The following CACNA1E variants were observed in gnomAD, a reference collection of about 807,000 sequenced individuals.
The protein encoded by CACNA1E is calcium voltage-gated channel subunit alpha1 E.
CACNA1E carries 40 observed loss-of-function variants against 259.2 expected under a neutral mutation model. The ratio of observed to expected loss-of-function variants is 0.15; its 90% CI spans 0.12 to 0.20. The LOEUF (loss-of-function observed/expected upper bound fraction) is 0.20, where lower values mean the gene tolerates loss of function less well. Ranked by LOEUF, CACNA1E falls within the 10% of genes least tolerant of loss-of-function variation. The pLI, the probability that CACNA1E is intolerant of heterozygous loss-of-function variation, is 1.00. For missense variants in CACNA1E, 1,874 were observed against 3,040.1 expected, an observed-to-expected ratio of 0.62 and a Z score of 9.02; for synonymous variants, 1,104 against 1,138.5, an observed-to-expected ratio of 0.97 and a Z score of 0.61.
At chr1:181,641,191 G>T (rs1657714864) in intron 6 of CACNA1E, among the ~76,000 whole-genome samples, 1 of 152,238 alleles carries the variant, frequency 6.6e-6, no homozygotes, top group Admixed American at 6.5e-5. Flanking sequence ...ATTGCTGGGG[G>T]AATTCTGGAG....
intron 3 of CACNA1E, among the ~76,000 whole-genome samples, chr1:181,550,169 C>CA (rs1337733603): frequency 1.3e-5 from 2 of 151,786 alleles, no homozygotes; most frequent in Non-Finnish European, 1.5e-5. Flanking sequence ...GGGACAGATA[C>CA]AAAAAATACT....
chr1:181,348,989 C>T (rs140944397), intron 1 of CACNA1E, among the ~76,000 whole-genome samples: 48 of 152,246 alleles, frequency 3.2e-4, no homozygotes, highest in Middle Eastern at 3.4e-3. Context: ...GTGCTTGTCC[C>T]ACCAGCCATG....
In CACNA1E at chr1:181,342,379, A is replaced by G. The variant is rs549368608; in HGVS notation, c.-15+24256A>G. On this transcript the variant is annotated intron_variant, in intron 1 of 11. Transcript: ENST00000524607. The stretch of plus-strand genomic sequence containing the variant: ...CTATGTTTAAGACTATTTTGGCACC[A>G]AGAGACATATCAAACTGCTTGTAGC... Among the ~76,000 whole-genome samples the G allele has an allele frequency of 1.1e-3, 168 of 152,318 alleles. 1 individual carries two copies. Among genetic ancestry groups the G allele is most frequent in the African/African-American group, 3.8e-3 (158 of 41,552 alleles).
At chr1:181,741,344 A>G (rs976351607) in intron 25 of CACNA1E, among the ~76,000 whole-genome samples, 1 of 152,162 alleles carries the variant, frequency 6.6e-6, no homozygotes, top group African/African-American at 2.4e-5. Flanking sequence ...CTCAGTTCTC[A>G]TCTCTGAAAT....
chr1:181,681,153 G>A (rs571551581), intron 7 of CACNA1E, among the ~76,000 whole-genome samples: 4 of 152,324 alleles, frequency 2.6e-5, no homozygotes, highest in South Asian at 2.1e-4. Context: ...TTTTCTCTGG[G>A]TTCTGGGTGG....
At position 181,718,212 on chromosome 1, in the gene CACNA1E, T is replaced by C. The variant is rs139092974; in HGVS notation, c.1638+45T>C. On this transcript the variant is annotated intron_variant, in intron 12 of 47. Coordinates refer to ENST00000367573, the MANE Select transcript of CACNA1E (RefSeq NM_001205293.3). ...CCTCTGCTCCTGCTTCGTGTTGATA[T>C]GCCCTGGTTTTAGATAAGCAGCTTG... The C allele has an allele frequency of 0.01, 10,101 of 971,738 alleles. 630 individuals are homozygous for C. In the South Asian group the frequency reaches 0.11, roughly 11 times the overall value. The allele number at this position is 971,738 out of a possible 1,614,324, so 60.2% of individuals were successfully genotyped here. A position where few individuals can be genotyped will look rare whatever the true frequency, so the allele number is the denominator to read the frequency against.
At chr1:181,405,388 A>C (rs1035680220) in intron 1 of CACNA1E, among the ~76,000 whole-genome samples, 5 of 152,188 alleles carry the variant, frequency 3.3e-5, no homozygotes, top group African/African-American at 7.2e-5. Flanking sequence ...GACTATATAG[A>C]GGCTTCTGGA....
At chr1:181,740,599 C>T (rs1035361990) in intron 25 of CACNA1E, among the ~76,000 whole-genome samples, 1 of 152,062 alleles carries the variant, frequency 6.6e-6, no homozygotes, top group African/African-American at 2.4e-5. Context: ...TGTAGGATCT[C>T]CCAGACCCTG....
chr1:181,771,965 G>A, intron 36 of CACNA1E, 101 bp from the exon 37 acceptor site: 3 of 1,067,458 alleles, frequency 2.8e-6, no homozygotes, highest in Non-Finnish European at 4.1e-6. Context: ...AGCCTGTTGG[G>A]CCCAGACAAG....
At chr1:181,466,184 T>G (rs1662143314) in intron 2 of CACNA1E, among the ~76,000 whole-genome samples, 1 of 152,222 alleles carries the variant, frequency 6.6e-6, no homozygotes, top group African/African-American at 2.4e-5. Flanking sequence ...GCGCAGAATC[T>G]TAGTTCCAAC....
In CACNA1E at chr1:181,752,635, G is replaced by C. The variant is rs144153519; in HGVS notation, c.3828+396G>C. Among the ~76,000 whole-genome samples, 746 of 152,224 alleles carry C rather than the reference G, an allele frequency of 4.9e-3. 6 individuals carry two copies. Among genetic ancestry groups the C allele is most frequent in the Non-Finnish European group, 6.5e-3 (444 of 68,012 alleles). On this transcript the variant is annotated intron_variant, in intron 27 of 47. Transcript: ENST00000367573. ...ATATTTTTTAAGGCCGAGTATCCTG[G>C]GACATTTTCTTTTTCTTATAACTCA...
At position 181,762,531 on chromosome 1, in the gene CACNA1E, T is replaced by C. The variant is rs72735263; in HGVS notation, c.4606-43T>C. Reference sequence around the variant, plus strand: ...AAGATGTCTTTTCTCCTTTTTTTTTTCTTTCCTTTTCTGATGTTCCTATGA... The same window carrying C: ...AAGATGTCTTTTCTCCTTTTTTTTTCCTTTCCTTTTCTGATGTTCCTATGA... On this transcript the variant is annotated intron_variant, in intron 32 of 47. Coordinates refer to ENST00000367573, the MANE Select transcript of CACNA1E (RefSeq NM_001205293.3). 4.6e-4 allele frequency: 516 copies of C among 1,115,904 alleles called. No homozygotes were observed. Among genetic ancestry groups the C allele is most frequent in the Middle Eastern group, 1.4e-3 (7 of 5,092 alleles). 69.1% of individuals were successfully genotyped at this position (1,115,904 alleles called of 1,614,324 possible).
chr1:181,726,270 C>T (rs1572711673), intron 18 of CACNA1E, 108 bp downstream of exon 18: 2 of 768,372 alleles, frequency 2.6e-6, no homozygotes, highest in Non-Finnish European at 4.4e-6. Flanking sequence ...ATGCTGGGAA[C>T]TGTTCCTGAG....
rs1358190429 is a variant in CACNA1E, at chr1:181,718,077, G to T, written c.1548G>T (p.Leu516=). The T allele has an allele frequency of 1.0e-5, 16 of 1,597,266 alleles. No individual in the cohort carries two copies. Among genetic ancestry groups the T allele is most frequent in the Non-Finnish European group, 1.3e-5 (15 of 1,165,008 alleles). The part of the protein sequence containing the change: ...HLLYYAEFLF[L]GLFLLEMSLK... ...CAGACTATGCAGAATTTCTGTTTCT[G>T]GGACTCTTCCTCTTGGAGATGTCCC... The change falls in exon 12 of 48, where the codon CTG becomes CTT. Residue 516 remains leucine (L), a synonymous_variant. Transcript: ENST00000367573.
intron 3 of CACNA1E, among the ~76,000 whole-genome samples, chr1:181,515,404 T>C (rs1307171891): frequency 6.6e-6 from 1 of 152,224 alleles, no homozygotes; most frequent in African/African-American, 2.4e-5. Context: ...AAATGGCTTG[T>C]TTGTTCACTC....
chr1:181,475,550 G>A (rs538042811), intron 2 of CACNA1E, among the ~76,000 whole-genome samples: 2 of 152,266 alleles, frequency 1.3e-5, no homozygotes, highest in East Asian at 3.9e-4. Context: ...CTGTGAGCAG[G>A]GCTTTGAGGC....
intron 1 of CACNA1E, among the ~76,000 whole-genome samples, chr1:181,342,509 A>G (rs1052667961): frequency 1.3e-5 from 2 of 152,246 alleles, no homozygotes; most frequent in East Asian, 3.8e-4. Flanking sequence ...AATAAGAATG[A>G]ACAAACTATG....
intron 6 of CACNA1E, among the ~76,000 whole-genome samples, chr1:181,644,886 C>A (rs1658121926): frequency 6.6e-6 from 1 of 152,160 alleles, no homozygotes; most frequent in African/African-American, 2.4e-5. Context: ...TACAGCCCCC[C>A]ATCATCACCA....
At chr1:181,663,021 T>A (rs1036947528) in intron 7 of CACNA1E, among the ~76,000 whole-genome samples, 3 of 152,222 alleles carry the variant, frequency 2.0e-5, no homozygotes, top group Non-Finnish European at 4.4e-5. Context: ...TTTCACAAGA[T>A]CTTTCCAGGT....
Sources: gnomAD v4.1 joint callset for allele counts (sites outside exome capture counted in the v4.1 genomes callset) on GRCh38, gnomAD v4.1.1 for gene constraint, MANE v1.5 for transcripts, NCBI Gene and HGNC (gene_info 2026-07-23, HGNC 2026-07-21) for gene names.